The following MAP3K5 variants were observed in gnomAD, a reference collection of about 807,000 sequenced individuals.
MAP3K5 encodes mitogen-activated protein kinase kinase kinase 5.
A neutral mutation model predicts 158.7 loss-of-function variants in MAP3K5; 56 were observed. The ratio of observed to expected loss-of-function variants is 0.35; its 90% CI spans 0.28 to 0.44. MAP3K5 has a LOEUF of 0.44. MAP3K5 is among the 20% of genes least tolerant of loss of function. The probability of loss-of-function intolerance (pLI) is 1.00; values close to 1 mark genes in which losing one functional copy is unlikely to be tolerated. For synonymous variants in MAP3K5, 579 were observed against 601.7 expected (o/e 0.96, Z 0.55); for missense variants, 1,294 against 1,674.8 (o/e 0.77, Z 3.97).
intron 26 of MAP3K5, among the ~76,000 whole-genome samples, chr6:136,567,121 C>G (rs945301925): frequency 5.3e-5 from 8 of 152,188 alleles, no homozygotes; most frequent in Non-Finnish European, 1.2e-4. Flanking sequence ...GCAAATTATA[C>G]TCCAGATATG....
chr6:136,577,126 G>GC (rs1294289814), intron 25 of MAP3K5, among the ~76,000 whole-genome samples: 3 of 152,154 alleles, frequency 2.0e-5, no homozygotes, highest in African/African-American at 7.2e-5. Context: ...GTCTTCTTTC[G>GC]CATGTCTTCT....
At chr6:136,759,052 T>C (rs372053530) in intron 1 of MAP3K5, among the ~76,000 whole-genome samples, 4 of 152,190 alleles carry the variant, frequency 2.6e-5, no homozygotes, top group East Asian at 1.9e-4. Context: ...CAGGCACCTG[T>C]AATCCCTACT....
chr6:136,679,514 G>A (rs1379289886), intron 7 of MAP3K5, among the ~76,000 whole-genome samples: 3 of 152,192 alleles, frequency 2.0e-5, no homozygotes, highest in African/African-American at 7.2e-5. Flanking sequence ...AGCATGTGAA[G>A]AAACTAATGC....
chr6:136,765,679 A>ATTTTTTTTTTTT (rs780589836), intron 1 of MAP3K5, among the ~76,000 whole-genome samples: 7 of 120,008 alleles, frequency 5.8e-5, no homozygotes, highest in Non-Finnish European at 8.7e-5. Flanking sequence ...TGCCTGGCTA[A>ATTTTTTTTTTTT]TTTTTTTTTT....
intron 15 of MAP3K5, 150 bp downstream of exon 15, chr6:136,622,698 A>G: frequency 2.5e-6 from 2 of 802,424 alleles, no homozygotes; most frequent in Middle Eastern, 3.6e-4. Context: ...CAAACACTGA[A>G]TGATGCAGCA....
chr6:136,721,088 AT>A (rs575610184), intron 1 of MAP3K5, among the ~76,000 whole-genome samples: 2 of 151,904 alleles, frequency 1.3e-5, no homozygotes, highest in African/African-American at 4.8e-5. Context: ...CCAAACCTGC[AT>A]TTTTTTTAAA....
At chr6:136,667,954 A>G (rs1018751365) in intron 8 of MAP3K5, among the ~76,000 whole-genome samples, 2 of 152,210 alleles carry the variant, frequency 1.3e-5, no homozygotes, top group Non-Finnish European at 2.9e-5. Context: ...TTAAAAAAAT[A>G]AACAAATAAA....
chr6:136,712,437 G>A (rs1349056656), intron 2 of MAP3K5, among the ~76,000 whole-genome samples: 1 of 152,162 alleles, frequency 6.6e-6, no homozygotes, highest in African/African-American at 2.4e-5. Flanking sequence ...GCCTCCCAAA[G>A]TGCTGGGATT....
chr6:136,561,967 A>G (rs1209920820), intron 27 of MAP3K5, among the ~76,000 whole-genome samples: 1 of 152,252 alleles, frequency 6.6e-6, no homozygotes, highest in Non-Finnish European at 1.5e-5. Context: ...GATGAATACA[A>G]TTAGCAGAGA....
chr6:136,605,232 C>G lies in MAP3K5; in HGVS notation c.2656G>C (p.Glu886Gln). ...TGKPPFYELG[E>Q]PQAAMFKVGM... ...ACCTTGAACATAGCTGCTTGTGGTT[C>G]TCCCAGTTCATAAAATGGGGGTTTT... The change falls in exon 19 of 30, where the codon GAA (glutamate) becomes CAA (glutamine). Residue 886 changes from glutamate (E) to glutamine (Q), a missense_variant. Glu to Gln is a conservative substitution (Grantham distance 29, BLOSUM62 2). Coordinates refer to ENST00000359015, the MANE Select transcript of MAP3K5 (RefSeq NM_005923.4). The G allele has an allele frequency of 6.2e-7, 1 of 1,614,014 alleles. No homozygotes were observed. Among genetic ancestry groups the G allele is most frequent in the Non-Finnish European group, 8.5e-7 (1 of 1,179,972 alleles).
intron 8 of MAP3K5, among the ~76,000 whole-genome samples, chr6:136,667,520 G>C (rs1016971905): frequency 2.0e-5 from 3 of 152,104 alleles, no homozygotes; most frequent in African/African-American, 7.2e-5. Context: ...AGGAGGTTGA[G>C]ATTGCAGTGA....
At chr6:136,604,357 GA>G (rs890827742) in intron 19 of MAP3K5, among the ~76,000 whole-genome samples, 5 of 149,350 alleles carry the variant, frequency 3.3e-5, no homozygotes, top group South Asian at 2.1e-4. Context: ...AAGAAAAAAA[GA>G]AAAAAAAAGA....
rs796192414 is a variant in MAP3K5, at chr6:136,604,777, TA to T, written c.2679+431del. On this transcript the variant is annotated intron_variant, in intron 19 of 29. Transcript: ENST00000359015. The stretch of plus-strand genomic sequence containing the variant: ...AATGGTAATTATGCTCTTTTTTTTT[TA>T]AAAAAAATGAAGCCTTCAAACTATT... Among the ~76,000 whole-genome samples the T allele has an allele frequency of 3.3e-3, 400 of 120,338 alleles. 3 individuals are homozygous for T. The highest frequency in any genetic ancestry group is 7.2e-3 in the African/African-American group (220 of 30,632). 78.9% of individuals were successfully genotyped at this position (120,338 alleles called of 152,430 possible). A position where few individuals can be genotyped will look rare whatever the true frequency, so the allele number is the denominator to read the frequency against.
At chr6:136,608,464 A>G (rs1248008091) in intron 18 of MAP3K5, among the ~76,000 whole-genome samples, 1 of 152,128 alleles carries the variant, frequency 6.6e-6, no homozygotes, top group African/African-American at 2.4e-5. Context: ...AACCGGCCCA[A>G]TGTTGGACAT....
chr6:136,598,184 C>A (rs755337223), intron 21 of MAP3K5, among the ~76,000 whole-genome samples: 2 of 152,262 alleles, frequency 1.3e-5, no homozygotes, highest in Non-Finnish European at 2.9e-5. Context: ...GCAAGCCTCC[C>A]TTAACACACA....
intron 21 of MAP3K5, among the ~76,000 whole-genome samples, chr6:136,596,310 A>G (rs1283984952): frequency 6.6e-6 from 1 of 152,212 alleles, no homozygotes; most frequent in African/African-American, 2.4e-5. Context: ...ATCCAGGCTG[A>G]GAGCCACTGA....
At chr6:136,636,778 A>AT (rs1777657629) in intron 14 of MAP3K5, 1 of 936,618 alleles carries the variant, frequency 1.1e-6, no homozygotes, top group African/African-American at 1.8e-5. Flanking sequence ...ACAAGTCTCT[A>AT]TAAAAATAAA....
chr6:136,604,660 G>A (rs1776025881), intron 19 of MAP3K5, among the ~76,000 whole-genome samples: 1 of 152,124 alleles, frequency 6.6e-6, no homozygotes, highest in East Asian at 1.9e-4. Context: ...ACTGCAAAAG[G>A]TGGGGCTTCT....
chr6:136,573,315 T>G (rs1774454437), intron 25 of MAP3K5, among the ~76,000 whole-genome samples: 1 of 152,194 alleles, frequency 6.6e-6, no homozygotes, highest in African/African-American at 2.4e-5. Context: ...GACCTTCAAT[T>G]TCAGTTGGCT....
Sources: gnomAD v4.1 joint callset for allele counts (sites outside exome capture counted in the v4.1 genomes callset) on GRCh38, gnomAD v4.1.1 for gene constraint, MANE v1.5 for transcripts, NCBI Gene and HGNC (gene_info 2026-07-23, HGNC 2026-07-21) for gene names.